The following SYDE2 variants were observed in gnomAD, a reference collection of about 807,000 sequenced individuals.
The protein encoded by SYDE2 is rho GTPase-activating protein SYDE2.
SYDE2 carries 76 observed loss-of-function variants against 91.5 expected under a neutral mutation model. The observed-to-expected ratio is 0.83, with a 90% confidence interval of 0.69 to 1.01. SYDE2 has a LOEUF of 1.01. SYDE2 is among the 50% of genes least tolerant of loss of function. The pLI, the probability that SYDE2 is intolerant of heterozygous loss-of-function variation, is 0.00. For missense variants in SYDE2, 1,364 were observed against 1,367.7 expected (o/e 1.00, Z 0.04); for synonymous variants, 513 against 506.4 (o/e 1.01, Z -0.18).
rs1465681618 is a variant in SYDE2, at chr1:85,196,746, T to C, written c.745+3506A>G. Among the ~76,000 whole-genome samples the C allele has an allele frequency of 2.6e-5, 4 of 151,688 alleles. No individual in the cohort carries two copies. The East Asian group carries it at 7.7e-4, about 29-fold the overall frequency. On this transcript the variant is annotated intron_variant, in intron 1 of 6. Coordinates refer to ENST00000341460, the MANE Select transcript of SYDE2 (RefSeq NM_032184.2). ...TGAAAAGGGCAAATACAGAAAAAAATTGTTGGAAAAATTCATAAAGATTAT... is the reference window on the plus strand; with the variant it reads ...TGAAAAGGGCAAATACAGAAAAAAACTGTTGGAAAAATTCATAAAGATTAT...
rs186083395 is a variant in SYDE2, at chr1:85,179,462, T to C, written c.2545-1190A>G. On this transcript the variant is annotated intron_variant, in intron 3 of 6. Transcript: ENST00000341460. ...CTAAAATATTTGAGATGATAAGCTA[T>C]AGGTATTAATTGAAAGATAGTAAAG... Among the ~76,000 whole-genome samples, 428 of 152,260 alleles carry C rather than the reference T, an allele frequency of 2.8e-3. 4 individuals are homozygous for C. Among genetic ancestry groups the C allele is most frequent in the Non-Finnish European group, 4.7e-3 (323 of 68,002 alleles).
At chr1:85,159,866 G>A in intron 6 of SYDE2, 1 of 982,584 alleles carries the variant, frequency 1.0e-6, no homozygotes, top group South Asian at 4.7e-5. Context: ...TTCATTTATT[G>A]CCTGGAAATA....
chr1:85,159,712 G>A lies in SYDE2; in HGVS notation c.3086-463C>T, dbSNP rs1041809998. On this transcript the variant is annotated intron_variant, in intron 6 of 6. Coordinates refer to ENST00000341460, the MANE Select transcript of SYDE2 (RefSeq NM_032184.2). ...TAAAGTGATCAGCCTAGTAAGTTCC[G>A]ACCCTTGTGGGCTTTTCTGCAATTC... 2.9e-5 allele frequency: 11 copies of A among 378,872 alleles called. No homozygotes were observed. In the South Asian group the frequency reaches 3.3e-4, roughly 11 times the overall value. The allele number at this position is 378,872 out of a possible 1,614,324, so 23.5% of individuals were successfully genotyped here. A position where few individuals can be genotyped will look rare whatever the true frequency, so the allele number is the denominator to read the frequency against.
intron 3 of SYDE2, among the ~76,000 whole-genome samples, chr1:85,178,977 AAC>A (rs1370634821): frequency 6.6e-6 from 1 of 152,148 alleles, no homozygotes; most frequent in Non-Finnish European, 1.5e-5. Flanking sequence ...TTTGTCTTTA[AAC>A]ACTGTCATAC....
intron 1 of SYDE2, 37 bp downstream of exon 1, chr1:85,200,215 C>A: frequency 6.2e-7 from 1 of 1,613,308 alleles, no homozygotes; most frequent in Non-Finnish European, 8.5e-7. Flanking sequence ...AACAGTAAGG[C>A]TCGCGGTGCT....
rs1457512153 is a variant in SYDE2, at chr1:85,178,052, CAAATT to C, written c.2671+89_2671+93del. Reference sequence around the variant, plus strand: ...GGAAGAAAAGACTTCAGAATAAAAACAAATTAAATTTCAGCTACAAACGTATTTCA... The same window carrying C: ...GGAAGAAAAGACTTCAGAATAAAAACAAATTTCAGCTACAAACGTATTTCA... On this transcript the variant is annotated intron_variant, in intron 4 of 6. Transcript: ENST00000341460. 34 of 1,081,772 alleles carry C rather than the reference CAAATT, an allele frequency of 3.1e-5. No individual in the cohort carries two copies. The East Asian group carries it at 9.0e-4, about 29-fold the overall frequency. The allele number at this position is 1,081,772 out of a possible 1,614,324, so 67.0% of individuals were successfully genotyped here.
At chr1:85,180,241 A>C (rs1169389423) in intron 3 of SYDE2, among the ~76,000 whole-genome samples, 1 of 152,170 alleles carries the variant, frequency 6.6e-6, no homozygotes, top group East Asian at 1.9e-4. Context: ...CAATAATACA[A>C]GAATAATTCC....
chr1:85,194,823 C>T, intron 1 of SYDE2: 1 of 985,286 alleles, frequency 1.0e-6, no homozygotes, highest in Non-Finnish European at 1.2e-6. Flanking sequence ...CAAATGCCAT[C>T]AGCAAATTTT....
intron 4 of SYDE2, among the ~76,000 whole-genome samples, chr1:85,170,698 G>A (rs1412730888): frequency 6.6e-5 from 10 of 152,114 alleles, no homozygotes; most frequent in Non-Finnish European, 1.5e-4. Context: ...TTTGTTTCTT[G>A]CTTTTTCATT....
intron 6 of SYDE2, among the ~76,000 whole-genome samples, chr1:85,161,712 T>G (rs1349193449): frequency 3.6e-4 from 48 of 133,824 alleles, no homozygotes; most frequent in African/African-American, 1.3e-3. Flanking sequence ...GGCGACACAG[T>G]GAGACTCCAT....
chr1:85,159,043 T>C lies in SYDE2; in HGVS notation c.3292A>G (p.Asn1098Asp), dbSNP rs762465315. ...TTTTCTTTTGTATTTAAAAAGTAGT[T>C]TTCCCCACAGCTGCTCCAGTCTCCT... is the stretch of plus-strand genomic sequence containing the variant. ...YAGDWSSCGE[N>D]YFLNTKENLN... The change falls in exon 7 of 7, where the codon AAC becomes GAC. Residue 1098 changes from asparagine (N) to aspartate (D), a missense_variant. Physicochemically the swap from Asn to Asp is conservative, Grantham distance 23 (BLOSUM62 1). Coordinates refer to ENST00000341460, the MANE Select transcript of SYDE2 (RefSeq NM_032184.2). 4 of 780,754 alleles carry C rather than the reference T, an allele frequency of 5.1e-6. No homozygotes were observed. In the African/African-American group the frequency reaches 6.8e-5, roughly 13 times the overall value. 48.4% of individuals were successfully genotyped at this position (780,754 alleles called of 1,614,324 possible). A position where few individuals can be genotyped will look rare whatever the true frequency, so the allele number is the denominator to read the frequency against.
intron 5 of SYDE2, among the ~76,000 whole-genome samples, chr1:85,168,643 T>C (rs1657387921): frequency 6.6e-6 from 1 of 152,216 alleles, no homozygotes; most frequent in Non-Finnish European, 1.5e-5. Context: ...ACACAGTTGT[T>C]GTATCTAAAA....
chr1:85,200,466 G>GC lies in SYDE2; in HGVS notation c.530dup (p.Ser179LeufsTer55). The GC allele has an allele frequency of 6.2e-7, 1 of 1,613,930 alleles. No homozygotes were observed. Among genetic ancestry groups the GC allele is most frequent in the Non-Finnish European group, 8.5e-7 (1 of 1,179,900 alleles). On this transcript the variant is annotated frameshift_variant, in exon 1 of 7. Coordinates refer to ENST00000341460, the MANE Select transcript of SYDE2 (RefSeq NM_032184.2). LOFTEE classifies it high-confidence loss of function. ...CTGCCGGCGGCCTGAGGAAGGAGGG[G>GC]CCTTCCTGGCGGTCTCCTTTGCCAC...
At chr1:85,189,651 C>A (rs577965087) in intron 2 of SYDE2, among the ~76,000 whole-genome samples, 2 of 152,246 alleles carry the variant, frequency 1.3e-5, no homozygotes, top group Admixed American at 1.3e-4. Context: ...GCCTGGTCAA[C>A]AAAGCAAAAC....
intron 3 of SYDE2, chr1:85,181,215 A>G (rs1477965863): frequency 7.3e-6 from 1 of 136,452 alleles, no homozygotes; most frequent in Non-Finnish European, 1.5e-5. Flanking sequence ...GCAGTGGCAC[A>G]ATCTGGGCTC....
intron 3 of SYDE2, 147 bp downstream of exon 3, chr1:85,181,951 C>G: frequency 1.1e-6 from 1 of 874,860 alleles, no homozygotes; most frequent in Non-Finnish European, 1.7e-6. Context: ...AAAATTATAC[C>G]CTAAACAGTA....
downstream of SYDE2, chr1:85,153,945 C>G (rs1656823724): frequency 6.6e-6 from 1 of 152,124 alleles, no homozygotes; most frequent in Non-Finnish European, 1.5e-5. Context: ...CTTTGATACA[C>G]TATTTTCTCA....
chr1:85,188,695 A>C (rs1339600370), intron 2 of SYDE2, among the ~76,000 whole-genome samples: 1 of 152,212 alleles, frequency 6.6e-6, no homozygotes, highest in African/African-American at 2.4e-5. Flanking sequence ...TATTCTGCCC[A>C]AGGGTTGAGG....
At chr1:85,163,445 C>CTATCTATATATATATA (rs1174209275) in intron 6 of SYDE2, among the ~76,000 whole-genome samples, 5 of 87,632 alleles carry the variant, frequency 5.7e-5, no homozygotes, top group Non-Finnish European at 9.5e-5. Flanking sequence ...GTACTTTAAT[C>CTATCTATATATATATA]TATATATATA....
Sources: allele counts gnomAD v4.1 joint callset (sites outside exome capture counted in the v4.1 genomes callset), GRCh38; gene constraint gnomAD v4.1.1; transcripts MANE v1.5; gene names NCBI Gene and HGNC (gene_info 2026-07-23, HGNC 2026-07-21).